RAP1GAP2: variants seen among roughly 807,000 people sequenced by gnomAD.
The protein encoded by RAP1GAP2 is rap1 GTPase-activating protein 2.
In RAP1GAP2, 27 loss-of-function variants were observed where a neutral mutation model predicts 95.0. The ratio of observed to expected loss-of-function variants is 0.28; its 90% confidence interval spans 0.21 to 0.39. RAP1GAP2 has a LOEUF of 0.39. RAP1GAP2 is among the 10% of genes least tolerant of loss of function. The probability of loss-of-function intolerance (pLI) is 1.00; values close to 1 mark genes in which losing one functional copy is unlikely to be tolerated. For missense variants in RAP1GAP2, 771 were observed against 970.0 expected, an observed-to-expected ratio of 0.79 and a Z score of 2.72; for synonymous variants, 373 against 380.9, an observed-to-expected ratio of 0.98 and a Z score of 0.24.
chr17:2,889,855 A>ATGTG (rs1231721778), intron 2 of RAP1GAP2, among the ~76,000 whole-genome samples: 1 of 60,402 alleles, frequency 1.7e-5, no homozygotes, highest in African/African-American at 5.5e-5. Flanking sequence ...GCTAATTTTT[A>ATGTG]TGTGTGTGTA....
chr17:2,769,641 G>C (rs761979839), intron 1 of RAP1GAP2, among the ~76,000 whole-genome samples: 16 of 152,158 alleles, frequency 1.1e-4, no homozygotes, highest in Non-Finnish European at 2.2e-4. Context: ...TCTTAGCCCT[G>C]TAAAGGGGCT....
chr17:2,762,998 T>A (rs537795196), intron 1 of RAP1GAP2, among the ~76,000 whole-genome samples: 1 of 152,262 alleles, frequency 6.6e-6, no homozygotes, highest in South Asian at 2.1e-4. Context: ...TTTGAGTGGC[T>A]GATAGTGATT....
chr17:3,014,958 G>A (rs904920921), intron 17 of RAP1GAP2, among the ~76,000 whole-genome samples: 11 of 152,150 alleles, frequency 7.2e-5, no homozygotes, highest in Non-Finnish European at 1.3e-4. Flanking sequence ...GCTTACTGGA[G>A]CCCAGGAGTT....
upstream of RAP1GAP2, among the ~76,000 whole-genome samples, chr17:2,772,407 C>T (rs575562739): frequency 6.6e-6 from 1 of 152,220 alleles, no homozygotes; most frequent in East Asian, 1.9e-4. Context: ...CCTGTTCAGC[C>T]TCCTGAGTAG....
Position 2,785,453 on chromosome 17 carries a change from G to A in RAP1GAP2, c.-14+8175G>A, listed in dbSNP as rs936473498. Among the ~76,000 whole-genome samples the A allele has an allele frequency of 4.0e-5, 6 of 150,836 alleles. No homozygotes were observed. The South Asian group carries it at 1.3e-3, about 32-fold the overall frequency. ...CCAGACAACCTTGGCACCACCACCC[G>A]GCCCTAGGAGTTAAAAAAAGTGATA... On this transcript the variant is annotated intron_variant, in intron 1 of 24. Transcript: ENST00000540393.
intron 3 of RAP1GAP2, among the ~76,000 whole-genome samples, chr17:2,929,246 A>G (rs1198147323): frequency 6.6e-6 from 1 of 152,048 alleles, no homozygotes; most frequent in African/African-American, 2.4e-5. Flanking sequence ...AAAAAAATAA[A>G]AGGCAGGGGC....
At chr17:2,806,405 TA>T (rs887583211) in intron 2 of RAP1GAP2, among the ~76,000 whole-genome samples, 1 of 149,596 alleles carries the variant, frequency 6.7e-6, no homozygotes, top group African/African-American at 2.5e-5. Context: ...TTATTATTAT[TA>T]TTTTGAGAGG....
Position 2,980,027 on chromosome 17 carries a change from G to A in RAP1GAP2, c.597-260G>A, listed in dbSNP as rs150604144. On this transcript the variant is annotated intron_variant, in intron 8 of 24. Coordinates refer to ENST00000254695, the MANE Select transcript of RAP1GAP2 (RefSeq NM_015085.5). The stretch of plus-strand genomic sequence containing the variant: ...ACAATCTCGACTCACTGCAACCTCC[G>A]TCTCCCGGGTTCAAGCGATTCTCCT... Among the ~76,000 whole-genome samples, 225 of 150,744 alleles carry A rather than the reference G, an allele frequency of 1.5e-3. 1 individual carries two copies. The highest frequency in any genetic ancestry group is 7.1e-3 in the Middle Eastern group (2 of 282).
At chr17:2,865,996 C>T (rs191547759) in intron 2 of RAP1GAP2, among the ~76,000 whole-genome samples, 2 of 152,334 alleles carry the variant, frequency 1.3e-5, no homozygotes, top group East Asian at 3.9e-4. Context: ...AGCCCATGCT[C>T]CTGAAGCAGA....
intron 3 of RAP1GAP2, among the ~76,000 whole-genome samples, chr17:2,944,692 C>T (rs78493363): frequency 0.051 from 7,661 of 151,398 alleles, 309 homozygotes; most frequent in African/African-American, 0.11. Flanking sequence ...TGATAGAGAT[C>T]GCGTTAGATA....
Position 2,797,615 on chromosome 17 carries a change from C to A in RAP1GAP2, c.44+1044C>A. 1.2e-6 allele frequency: 1 copy of A among 856,858 alleles called. No homozygotes were observed. The highest frequency in any genetic ancestry group is 1.4e-6 in the Non-Finnish European group (1 of 712,822). 53.1% of individuals were successfully genotyped at this position (856,858 alleles called of 1,614,324 possible). ...TTCCGTGTGTGTGGCTTATTTCCCT[C>A]TTCCTCCTCTTCAAAAGCACTTTGC... is the stretch of plus-strand genomic sequence containing the variant. On this transcript the variant is annotated intron_variant, in intron 1 of 24. Transcript: ENST00000254695. The surrounding 1 kb of genome is among the most constrained non-coding windows in gnomAD (Gnocchi z 5.6).
rs777641855 is a variant in RAP1GAP2, at chr17:2,962,444, C to T, written c.202-226C>T. ...AGGTGGCAGTGTTGGGATTTGAACC[C>T]CGGCGATCTGGCTCAAGTCTATGCT... On this transcript the variant is annotated intron_variant, in intron 4 of 24. Transcript: ENST00000254695. The T allele has an allele frequency of 1.6e-3, 822 of 510,394 alleles. 9 individuals carry two copies. The highest frequency in any genetic ancestry group is 2.0e-4 in the Non-Finnish European group (58 of 294,364). 31.6% of individuals were successfully genotyped at this position (510,394 alleles called of 1,614,324 possible).
At position 2,797,799 on chromosome 17, in the gene RAP1GAP2, G is replaced by A. The variant is rs956859428; in HGVS notation, c.44+1228G>A. 11 of 985,126 alleles carry A rather than the reference G, an allele frequency of 1.1e-5. No individual in the cohort carries two copies. Among genetic ancestry groups the A allele is most frequent in the East Asian group, 1.1e-4 (1 of 8,798 alleles). 61.0% of individuals were successfully genotyped at this position (985,126 alleles called of 1,614,324 possible). On this transcript the variant is annotated intron_variant, in intron 1 of 24. Coordinates refer to ENST00000254695, the MANE Select transcript of RAP1GAP2 (RefSeq NM_015085.5). This position sits in a 1 kb window ranked among gnomAD's most constrained non-coding sequence, Gnocchi z 5.6. ...ACCCCGAGGGTAGGTGCCAGTGTCCGGGAGGCAGCAGAGGACTTGGCTTCT... is the reference window on the plus strand; with the variant it reads ...ACCCCGAGGGTAGGTGCCAGTGTCCAGGAGGCAGCAGAGGACTTGGCTTCT...
chr17:2,941,097 T>C (rs1006113110), intron 3 of RAP1GAP2, among the ~76,000 whole-genome samples: 43 of 152,134 alleles, frequency 2.8e-4, no homozygotes, highest in African/African-American at 9.2e-4. Context: ...TCTCACCTGA[T>C]TGATGTTTCA....
intron 19 of RAP1GAP2, 120 bp from the exon 20 acceptor site, chr17:3,025,888 C>T (rs1369745685): frequency 2.0e-5 from 14 of 694,538 alleles, no homozygotes; most frequent in South Asian, 5.4e-5. Context: ...TGATGCCAGG[C>T]GGGGGCGCTC....
chr17:3,030,610 A>T (rs766415373), intron 22 of RAP1GAP2, among the ~76,000 whole-genome samples: 3 of 152,232 alleles, frequency 2.0e-5, no homozygotes, highest in Non-Finnish European at 4.4e-5. Flanking sequence ...AGCACAGATA[A>T]TCGTAAAACA....
chr17:2,844,796 G>T (rs978120887), intron 2 of RAP1GAP2, among the ~76,000 whole-genome samples: 1 of 152,166 alleles, frequency 6.6e-6, no homozygotes, highest in Admixed American at 6.6e-5. Flanking sequence ...ACAAAGAGGG[G>T]CATTTTCCCC....
chr17:2,820,903 T>TGTTTTTTGTTTTTTG (rs1374388350), intron 2 of RAP1GAP2, among the ~76,000 whole-genome samples: 2 of 145,868 alleles, frequency 1.4e-5, no homozygotes, highest in African/African-American at 5.2e-5. Context: ...TTTTTTTTTT[T>TGTTTTTTGTTTTTTG]TTTTTTGTAT....
At position 3,004,233 on chromosome 17, in the gene RAP1GAP2, T is replaced by G. The variant is rs1304142897; in HGVS notation, c.1201-1136T>G. Among the ~76,000 whole-genome samples the G allele has an allele frequency of 6.6e-6, 1 of 152,198 alleles. No individual in the cohort carries two copies. The highest frequency in any genetic ancestry group is 1.5e-5 in the Non-Finnish European group (1 of 68,026). Reference sequence around the variant, plus strand: ...ATCACGTCAGCCGAACGCGCACCATTTCCTGACTCGGGGCACTGCAGTTTG... The same window carrying G: ...ATCACGTCAGCCGAACGCGCACCATGTCCTGACTCGGGGCACTGCAGTTTG... On this transcript the variant is annotated intron_variant, in intron 14 of 24. Transcript: ENST00000254695. The surrounding 1 kb of genome is among the most constrained non-coding windows in gnomAD (Gnocchi z 4.1).
Sources: allele counts gnomAD v4.1 joint callset (sites outside exome capture counted in the v4.1 genomes callset), GRCh38; gene constraint gnomAD v4.1.1; non-coding constraint Gnocchi (gnomAD v3.1); transcripts MANE v1.5; gene names NCBI Gene and HGNC (gene_info 2026-07-23, HGNC 2026-07-21).